Variants in PCDH9 observed in about 807,000 individuals in gnomAD.
PCDH9 encodes the protein protocadherin 9, also known as protocadherin-9.
PCDH9 carries 24 observed loss-of-function variants against 70.6 expected under a neutral mutation model. That is an observed-to-expected ratio of 0.34 (90% confidence interval 0.25 to 0.48). The LOEUF (loss-of-function observed/expected upper bound fraction) is 0.48. Among genes scored for constraint, PCDH9 ranks in the 20% least tolerant of loss-of-function variants. The probability of loss-of-function intolerance (pLI) is 0.99; values close to 1 mark genes in which losing one functional copy is unlikely to be tolerated. For synonymous variants in PCDH9, 562 were observed against 558.5 expected (o/e 1.01, Z -0.09); for missense variants, 1,281 against 1,503.6 (o/e 0.85, Z 2.45).
At chr13:67,009,260 A>G (rs1273824606) in intron 2 of PCDH9, among the ~76,000 whole-genome samples, 9 of 152,056 alleles carry the variant, frequency 5.9e-5, no homozygotes, top group Non-Finnish European at 4.4e-5. Context: ...GTACATTGAG[A>G]AGCGCAATTC....
intron 2 of PCDH9, among the ~76,000 whole-genome samples, chr13:67,124,021 G>T (rs554214822): frequency 1.3e-5 from 2 of 152,212 alleles, no homozygotes; most frequent in East Asian, 3.9e-4. Flanking sequence ...GCCTAGCCAT[G>T]ACTGAATATG....
intron 2 of PCDH9, among the ~76,000 whole-genome samples, chr13:67,150,395 G>GA (rs1300166009): frequency 2.0e-5 from 3 of 152,054 alleles, no homozygotes; most frequent in Non-Finnish European, 4.4e-5. Context: ...ATACAAGTCA[G>GA]AAAAAATCAG....
intron 4 of PCDH9, among the ~76,000 whole-genome samples, chr13:66,418,246 C>A (rs1490700026): frequency 6.6e-6 from 1 of 152,164 alleles, no homozygotes; most frequent in African/African-American, 2.4e-5. Flanking sequence ...TTTCCAAACA[C>A]CATTTATAAA....
chr13:67,059,447 G>T (rs2138121458), intron 2 of PCDH9, among the ~76,000 whole-genome samples: 1 of 145,142 alleles, frequency 6.9e-6, no homozygotes, highest in Middle Eastern at 3.6e-3. Flanking sequence ...TAATATAAGT[G>T]TTATAAAGAA....
At chr13:66,478,463 C>T (rs184201354) in intron 4 of PCDH9, among the ~76,000 whole-genome samples, 39 of 152,318 alleles carry the variant, frequency 2.6e-4, no homozygotes, top group Admixed American at 4.6e-4. Context: ...AGGTAAAAAG[C>T]TAGGCCTCTT....
chr13:66,881,864 G>T (rs894313931), intron 3 of PCDH9, among the ~76,000 whole-genome samples: 2 of 152,174 alleles, frequency 1.3e-5, no homozygotes, highest in Non-Finnish European at 2.9e-5. Context: ...GTGTTATAGG[G>T]AGGTAGAACA....
At chr13:66,434,847 C>A (rs1262975134) in intron 4 of PCDH9, among the ~76,000 whole-genome samples, 1 of 151,700 alleles carries the variant, frequency 6.6e-6, no homozygotes, top group African/African-American at 2.4e-5. Flanking sequence ...AACTCTGAGT[C>A]TATGAAACAA....
intron 4 of PCDH9, among the ~76,000 whole-genome samples, chr13:66,490,858 A>G (rs1484779572): frequency 6.6e-6 from 1 of 152,220 alleles, no homozygotes; most frequent in Non-Finnish European, 1.5e-5. Flanking sequence ...AAATCTGGAT[A>G]AATGTATTTC....
intron 2 of PCDH9, chr13:67,202,598 T>C (rs910307277): frequency 3.9e-5 from 6 of 152,092 alleles, no homozygotes; most frequent in African/African-American, 1.4e-4. Flanking sequence ...ATGAAAAGCA[T>C]ATACACCTTC....
chr13:67,026,612 G>A (rs1414616263), intron 2 of PCDH9, among the ~76,000 whole-genome samples: 7 of 152,006 alleles, frequency 4.6e-5, no homozygotes, highest in Non-Finnish European at 7.4e-5. Context: ...TAGGAAAAGA[G>A]GAAGTCAAAT....
intron 4 of PCDH9, among the ~76,000 whole-genome samples, chr13:66,466,795 T>G (rs913786004): frequency 2.0e-5 from 3 of 152,128 alleles, no homozygotes; most frequent in Non-Finnish European, 4.4e-5. Flanking sequence ...AGAAACTGTG[T>G]TTTAACATGT....
chr13:66,386,997 A>G (rs1473633505), intron 4 of PCDH9, among the ~76,000 whole-genome samples: 1 of 152,136 alleles, frequency 6.6e-6, no homozygotes, highest in African/African-American at 2.4e-5. Flanking sequence ...GACCTCTGAG[A>G]CACAAAAAAA....
chr13:66,929,044 A>T (rs1231503514), intron 2 of PCDH9, among the ~76,000 whole-genome samples: 1 of 152,150 alleles, frequency 6.6e-6, no homozygotes, highest in African/African-American at 2.4e-5. Context: ...CAGGAAAAAA[A>T]TTATGCTCTT....
intron 2 of PCDH9, among the ~76,000 whole-genome samples, chr13:67,188,647 C>A (rs1212598191): frequency 6.6e-6 from 1 of 152,024 alleles, no homozygotes; most frequent in African/African-American, 2.4e-5. Context: ...AAAGCTTTTA[C>A]TTTACTGGTG....
At chr13:66,794,273 A>G (rs1201286283) in intron 3 of PCDH9, among the ~76,000 whole-genome samples, 2 of 152,080 alleles carry the variant, frequency 1.3e-5, no homozygotes, top group Non-Finnish European at 2.9e-5. Flanking sequence ...AGAGAAAAGG[A>G]AGGAAAGAAG....
Position 67,153,694 on chromosome 13 carries a change from A to C in PCDH9, c.3036+71711T>G, listed in dbSNP as rs2087720994. Among the ~76,000 whole-genome samples, 4 of 152,252 alleles carry C rather than the reference A, an allele frequency of 2.6e-5. 1 individual carries two copies. The South Asian group carries it at 8.3e-4, about 32-fold the overall frequency. ...ATACTTAAGCAAGTTTCTAAAAAAT[A>C]GATACATTTTAAAACCCTTTAGTAT... On this transcript the variant is annotated intron_variant, in intron 2 of 4. Coordinates refer to ENST00000377865, the MANE Select transcript of PCDH9 (RefSeq NM_203487.3).
chr13:66,641,140 C>T (rs906106733), intron 3 of PCDH9, among the ~76,000 whole-genome samples: 1 of 152,094 alleles, frequency 6.6e-6, no homozygotes, highest in East Asian at 1.9e-4. Flanking sequence ...TAAGAAGCTC[C>T]TTCCAGTAGT....
chr13:66,341,724 T>C (rs910818303), intron 4 of PCDH9, among the ~76,000 whole-genome samples: 2 of 134,868 alleles, frequency 1.5e-5, no homozygotes, highest in Non-Finnish European at 3.2e-5. Context: ...ACTGAGCTGG[T>C]TTGCTAGAAC....
chr13:67,073,355 T>A (rs1300926261), intron 2 of PCDH9, among the ~76,000 whole-genome samples: 1 of 152,260 alleles, frequency 6.6e-6, no homozygotes, highest in Admixed American at 6.5e-5. Context: ...AAACTTTATA[T>A]ATCAAGAATC....
Sources: gnomAD v4.1 joint callset for allele counts (sites outside exome capture counted in the v4.1 genomes callset) on GRCh38, gnomAD v4.1.1 for gene constraint, MANE v1.5 for transcripts, NCBI Gene and HGNC (gene_info 2026-07-23, HGNC 2026-07-21) for gene names.